The following ANAPC5 variants were observed in gnomAD, a reference collection of about 807,000 sequenced individuals.
ANAPC5 encodes anaphase-promoting complex subunit 5.
In ANAPC5, 60 loss-of-function variants were observed where a neutral mutation model predicts 91.3. That is an observed-to-expected ratio of 0.66 (90% CI 0.53 to 0.81). The LOEUF (loss-of-function observed/expected upper bound fraction) is 0.81. Among genes scored for constraint, ANAPC5 ranks in the 40% least tolerant of loss-of-function variants. The pLI, the probability that ANAPC5 is intolerant of heterozygous loss-of-function variation, is 0.00. For missense variants in ANAPC5, 690 were observed against 931.5 expected, an observed-to-expected ratio of 0.74 and a Z score of 3.37; for synonymous variants, 340 against 364.1, an observed-to-expected ratio of 0.93 and a Z score of 0.75.
intron 7 of ANAPC5, chr12:121,332,573 A>G (rs1903081279): frequency 1.3e-5 from 1 of 76,338 alleles, no homozygotes; most frequent in African/African-American, 3.2e-5. Context: ...AAGCTCTATA[A>G]CAAGTTTTTT....
chr12:121,308,528 CA>C lies in ANAPC5; in HGVS notation c.2219del (p.Leu740ArgfsTer12). The stretch of plus-strand genomic sequence containing the variant: ...CCCCATGAGAGGGCAGCTCCTGATG[CA>C]GCTGCCGGAAGAGCATCGCACACCG... The part of the protein sequence containing the change: ...RNRCAMLFRQ[L>X]HQELPSHGVP... On this transcript the variant is annotated frameshift_variant, in exon 17 of 17. Transcript: ENST00000261819. LOFTEE classifies it high-confidence loss of function. The C allele has an allele frequency of 6.2e-7, 1 of 1,614,144 alleles. No homozygotes were observed. The highest frequency in any genetic ancestry group is 1.1e-5 in the South Asian group (1 of 91,074).
chr12:121,328,657 C>A, intron 9 of ANAPC5, 160 bp from the exon 10 acceptor site: 1 of 618,896 alleles, frequency 1.6e-6, no homozygotes, highest in East Asian at 2.9e-5. Flanking sequence ...CTGAGCCATA[C>A]GAGATGTGTT....
intron 11 of ANAPC5, among the ~76,000 whole-genome samples, chr12:121,322,160 G>T (rs1440887596): frequency 6.9e-6 from 1 of 144,240 alleles, no homozygotes; most frequent in Non-Finnish European, 1.5e-5. Context: ...CACCGCACCT[G>T]GCCTGTTTTT....
chr12:121,314,890 GT>G, intron 15 of ANAPC5, among the ~76,000 whole-genome samples: 1 of 152,204 alleles, frequency 6.6e-6, no homozygotes, highest in East Asian at 1.9e-4. Context: ...GCCTCAAAAA[GT>G]GCTGGGATTA....
chr12:121,316,273 A>G (rs1033054875), intron 15 of ANAPC5, among the ~76,000 whole-genome samples: 1 of 152,194 alleles, frequency 6.6e-6, no homozygotes, highest in Non-Finnish European at 1.5e-5. Flanking sequence ...GAAGGATGTA[A>G]TAATTAAAAA....
rs781908394 is a variant in ANAPC5 at position 121,328,343 on chromosome 12, G to A, written c.1277C>T (p.Thr426Met). 10 of 1,613,808 alleles carry A rather than the reference G, an allele frequency of 6.2e-6. No homozygotes were observed. The highest frequency in any genetic ancestry group is 4.4e-5 in the South Asian group (4 of 91,066). ...GCGGCCATACAGCCTCCAGATGGCC[G>A]TTTTCTGTGCGATGCTGATATCGAT... is the stretch of plus-strand genomic sequence containing the variant. ...ELIDISIAQKTAIWRLYGRST... is the reference protein window; with the variant it reads ...ELIDISIAQKMAIWRLYGRST... The change falls in exon 10 of 17, where the codon ACG (threonine) becomes ATG (methionine). Residue 426 changes from threonine (T) to methionine (M), a missense_variant. Around this residue, in one of 5 missense-constraint regions of ANAPC5, gnomAD observed 317 missense variants for 438.7 expected, o/e 0.72. Coordinates refer to ENST00000261819, the MANE Select transcript of ANAPC5 (RefSeq NM_016237.5).
intron 16 of ANAPC5, among the ~76,000 whole-genome samples, chr12:121,308,966 TGG>T (rs1902051038): frequency 6.6e-6 from 1 of 151,152 alleles, no homozygotes; most frequent in Non-Finnish European, 1.5e-5. Flanking sequence ...CTGGCCAACA[TGG>T]TGAAACCTTG....
At chr12:121,337,234 A>C in intron 6 of ANAPC5, 57 bp downstream of exon 6, 1 of 1,424,626 alleles carries the variant, frequency 7.0e-7, no homozygotes, top group East Asian at 2.3e-5. Context: ...AAACAAACAA[A>C]AAAAGTTGCC....
chr12:121,313,123 C>T (rs1418969596), intron 15 of ANAPC5, among the ~76,000 whole-genome samples: 6 of 152,086 alleles, frequency 3.9e-5, no homozygotes, highest in East Asian at 1.9e-4. Context: ...GTCAGGCGTT[C>T]GAGGCCAGCC....
At chr12:121,313,868 G>A (rs2136756258) in intron 15 of ANAPC5, among the ~76,000 whole-genome samples, 1 of 152,280 alleles carries the variant, frequency 6.6e-6, no homozygotes, top group Non-Finnish European at 1.5e-5. Context: ...AAAAGGAGAA[G>A]AGAGAATACT....
At chr12:121,333,952 C>T (rs1156673288) in intron 7 of ANAPC5, 1 of 152,172 alleles carries the variant, frequency 6.6e-6, no homozygotes. Flanking sequence ...CCTCCCCACA[C>T]AAGCTTCAGC....
intron 5 of ANAPC5, among the ~76,000 whole-genome samples, chr12:121,340,194 T>A (rs1450179303): frequency 6.6e-6 from 1 of 150,764 alleles, no homozygotes; most frequent in Non-Finnish European, 1.5e-5. Context: ...GGCAGGCACC[T>A]CTAATCCCAG....
chr12:121,322,093 T>C (rs573530329), intron 11 of ANAPC5, among the ~76,000 whole-genome samples: 1 of 151,704 alleles, frequency 6.6e-6, no homozygotes, highest in African/African-American at 2.4e-5. Context: ...CTCGATCTCA[T>C]GACCTCGTGA....
chr12:121,347,170 G>T, intron 2 of ANAPC5, 165 bp from the exon 3 acceptor site: 1 of 503,828 alleles, frequency 2.0e-6, no homozygotes. Flanking sequence ...TGTTACTCCC[G>T]TATTTCTGAA....
chr12:121,341,703 A>G (rs1251706799), intron 5 of ANAPC5, among the ~76,000 whole-genome samples: 1 of 152,204 alleles, frequency 6.6e-6, no homozygotes, highest in Non-Finnish European at 1.5e-5. Flanking sequence ...GCAAATGTCT[A>G]TAATAAAATG....
At chr12:121,341,584 T>A (rs782699989) in intron 5 of ANAPC5, among the ~76,000 whole-genome samples, 1 of 152,148 alleles carries the variant, frequency 6.6e-6, no homozygotes, top group African/African-American at 2.4e-5. Flanking sequence ...GGTGGCTGAA[T>A]AGAGAGTGGT....
intron 10 of ANAPC5, chr12:121,327,446 T>G: frequency 1.8e-6 from 1 of 561,034 alleles, no homozygotes; most frequent in Non-Finnish European, 3.1e-6. Context: ...AGACACGTAG[T>G]GGTTAGGGCA....
Position 121,308,446 on chromosome 12 carries a change from T to C in ANAPC5, c.*34A>G, listed in dbSNP as rs1902024798. On this transcript the variant is annotated 3_prime_UTR_variant, in exon 17 of 17. Coordinates refer to ENST00000261819, the MANE Select transcript of ANAPC5 (RefSeq NM_016237.5). ...GGACATGAACAAGTCCAAAATCTTA[T>C]ACTCTGCACAGCAGCCCAGCAGGGA... 1 of 1,593,238 alleles carries C rather than the reference T, an allele frequency of 6.3e-7. No individual in the cohort carries two copies. The highest frequency in any genetic ancestry group is 8.6e-7 in the Non-Finnish European group (1 of 1,163,128).
chr12:121,310,194 A>G (rs965819011), intron 15 of ANAPC5: 9 of 170,218 alleles, frequency 5.3e-5, no homozygotes, highest in African/African-American at 2.1e-4. Context: ...AAATAACTCA[A>G]AAGAATAAAG....
Sources: allele counts gnomAD v4.1 joint callset (sites outside exome capture counted in the v4.1 genomes callset), GRCh38; gene constraint gnomAD v4.1.1; regional missense constraint gnomAD v4.1.1; transcripts MANE v1.5; gene names NCBI Gene and HGNC (gene_info 2026-07-23, HGNC 2026-07-21).